Variants in CSTPP1 observed in about 807,000 individuals in gnomAD.
CSTPP1 encodes the protein centriolar satellite-associated tubulin polyglutamylase complex regulator 1.
the CSTPP1 span, among the ~76,000 whole-genome samples, chr11:46,937,738 C>T: frequency 0.1 from 15,261 of 152,030 alleles, 2,545 homozygotes; most frequent in African/African-American, 0.35. Flanking sequence ...GGGGTTTCAC[C>T]GTGTTAACCA....
At chr11:47,068,535 A>G in the CSTPP1 span, among the ~76,000 whole-genome samples, 1 of 152,198 alleles carries the variant, frequency 6.6e-6, no homozygotes, top group Non-Finnish European at 1.5e-5. Context: ...CCATCTCAAA[A>G]AAAAGAAAAG....
chr11:47,099,860 C>T, the CSTPP1 span, among the ~76,000 whole-genome samples: 1 of 152,186 alleles, frequency 6.6e-6, no homozygotes, highest in African/African-American at 2.4e-5. Flanking sequence ...AGTATTGGAA[C>T]ACAGTGATAC....
the CSTPP1 span, chr11:47,122,976 C>T: frequency 3.3e-5 from 5 of 152,116 alleles, no homozygotes; most frequent in Admixed American, 2.6e-4. Flanking sequence ...GTTGATGTAT[C>T]CCATTCTTTT....
the CSTPP1 span, among the ~76,000 whole-genome samples, chr11:46,945,486 G>A: frequency 1.3e-5 from 2 of 152,000 alleles, no homozygotes; most frequent in South Asian, 2.1e-4. Flanking sequence ...ATGGTGGTGC[G>A]CACCTGGAGT....
chr11:47,159,286 G>C, the CSTPP1 span, among the ~76,000 whole-genome samples: 1 of 151,986 alleles, frequency 6.6e-6, no homozygotes, highest in African/African-American at 2.4e-5. Flanking sequence ...GAGGCAGGTG[G>C]ATCACCTAAG....
chr11:47,155,087 C>T, the CSTPP1 span: 57 of 964,048 alleles, frequency 5.9e-5, no homozygotes, highest in African/African-American at 8.5e-4. Flanking sequence ...CTCTCCCCCG[C>T]ACTTTTCCCT....
At chr11:46,994,462 T>A in the CSTPP1 span, among the ~76,000 whole-genome samples, 1 of 152,196 alleles carries the variant, frequency 6.6e-6, no homozygotes, top group Admixed American at 6.5e-5. Context: ...CAATACCTGA[T>A]TTATTGAGAG....
the CSTPP1 span, among the ~76,000 whole-genome samples, chr11:46,980,996 A>G: frequency 1.2e-4 from 18 of 152,188 alleles, no homozygotes; most frequent in Non-Finnish European, 1.9e-4. Flanking sequence ...TGTAAAAGCA[A>G]TTGTCTATCT....
the CSTPP1 span, among the ~76,000 whole-genome samples, chr11:47,093,479 T>C: frequency 2.0e-5 from 3 of 152,206 alleles, no homozygotes; most frequent in Admixed American, 2.0e-4. Flanking sequence ...ATATTTAGAA[T>C]TGAGCACCAC....
the CSTPP1 span, among the ~76,000 whole-genome samples, chr11:47,111,673 G>A: frequency 7.9e-5 from 12 of 151,910 alleles, no homozygotes; most frequent in Non-Finnish European, 1.3e-4. Context: ...TTGCTGCTGC[G>A]GATCACCTAG....
the CSTPP1 span, among the ~76,000 whole-genome samples, chr11:46,983,879 C>G: frequency 6.6e-6 from 1 of 152,204 alleles, no homozygotes; most frequent in Non-Finnish European, 1.5e-5. Flanking sequence ...CAGGGAGGAA[C>G]TTTTCTTCTT....
chr11:47,071,199 G>T, the CSTPP1 span, among the ~76,000 whole-genome samples: 1 of 152,080 alleles, frequency 6.6e-6, no homozygotes, highest in Non-Finnish European at 1.5e-5. Flanking sequence ...AAGAATAAGT[G>T]GATTTTTATC....
the CSTPP1 span, among the ~76,000 whole-genome samples, chr11:47,077,100 A>G: frequency 1.3e-5 from 2 of 152,072 alleles, no homozygotes; most frequent in Admixed American, 6.5e-5. Flanking sequence ...TTAAAAAAAA[A>G]AAAAGTGCAA....
At chr11:47,158,893 T>C in the CSTPP1 span, among the ~76,000 whole-genome samples, 5,530 of 152,258 alleles carry the variant, frequency 0.036, 147 homozygotes, top group Non-Finnish European at 0.054. Context: ...CCCAGGTGCC[T>C]GAGTCTCAAG....
the CSTPP1 span, among the ~76,000 whole-genome samples, chr11:47,152,010 C>T: frequency 5.3e-5 from 8 of 152,012 alleles, no homozygotes; most frequent in Admixed American, 2.0e-4. Context: ...AGGAAAGATA[C>T]CTGCCTCTAT....
chr11:47,035,774 A>C, the CSTPP1 span, among the ~76,000 whole-genome samples: 1 of 151,824 alleles, frequency 6.6e-6, no homozygotes, highest in East Asian at 1.9e-4. Flanking sequence ...ACTTTTAAAA[A>C]TTTTTCCAAT....
the CSTPP1 span, chr11:46,947,900 G>C: frequency 2.6e-6 from 1 of 380,990 alleles, no homozygotes; most frequent in Non-Finnish European, 5.2e-6. Flanking sequence ...ATCTGGCGGG[G>C]ATAGAGCTGC....
the CSTPP1 span, chr11:47,137,166 C>A: frequency 1.3e-6 from 1 of 790,550 alleles, no homozygotes; most frequent in Non-Finnish European, 1.8e-6. Flanking sequence ...GGTTTCTATG[C>A]TGTACTCTTC....
chr11:47,047,895 C>G, the CSTPP1 span, among the ~76,000 whole-genome samples: 2 of 152,192 alleles, frequency 1.3e-5, no homozygotes, highest in African/African-American at 4.8e-5. Context: ...ATGGCCAACA[C>G]ATGAAAAGAT....
Sources: allele counts gnomAD v4.1 joint callset (sites outside exome capture counted in the v4.1 genomes callset), GRCh38; gene constraint gnomAD v4.1.1; transcripts MANE v1.5; gene names NCBI Gene and HGNC (gene_info 2026-07-23, HGNC 2026-07-21).